STK3: variants seen among roughly 807,000 people sequenced by gnomAD.
STK3 encodes serine/threonine-protein kinase 3.
In STK3, 41 loss-of-function variants were observed where a neutral mutation model predicts 58.0. The ratio of observed to expected loss-of-function variants is 0.71; its 90% CI spans 0.55 to 0.92. The LOEUF (loss-of-function observed/expected upper bound fraction) is 0.92, where lower values mean the gene tolerates loss of function less well. STK3 is among the 40% of genes least tolerant of loss of function. STK3 has a pLI of 0.00. For synonymous variants in STK3, 170 were observed against 191.0 expected (o/e 0.89, Z 0.91); for missense variants, 479 against 602.7 (o/e 0.79, Z 2.15).
intron 4 of STK3, among the ~76,000 whole-genome samples, chr8:98,742,764 C>T (rs932977932): frequency 1.7e-4 from 26 of 151,710 alleles, no homozygotes; most frequent in Admixed American, 1.7e-3. Flanking sequence ...CAAGGGTATT[C>T]AATTAGGAAA....
intron 7 of STK3, among the ~76,000 whole-genome samples, chr8:98,587,698 T>C (rs1814779514): frequency 6.6e-6 from 1 of 152,092 alleles, no homozygotes; most frequent in African/African-American, 2.4e-5. Context: ...GACAGTGGGG[T>C]GTTAAAGTCT....
At chr8:98,539,896 G>A (rs1450627145) in intron 9 of STK3, among the ~76,000 whole-genome samples, 1 of 152,164 alleles carries the variant, frequency 6.6e-6, no homozygotes, top group Admixed American at 6.5e-5. Context: ...TGGGATTACA[G>A]GTGCATGCCA....
At chr8:98,739,025 G>T (rs1038887336) in intron 4 of STK3, among the ~76,000 whole-genome samples, 2 of 152,216 alleles carry the variant, frequency 1.3e-5, no homozygotes, top group Admixed American at 1.3e-4. Flanking sequence ...GCAAGGCAGC[G>T]GCGAGGCTGG....
intron 6 of STK3, chr8:98,598,175 T>G: frequency 1.0e-6 from 1 of 985,406 alleles, no homozygotes; most frequent in Non-Finnish European, 1.2e-6. Context: ...AACTGGTGGA[T>G]AACACAATGA....
At chr8:98,745,185 A>C (rs1292803170) in intron 4 of STK3, among the ~76,000 whole-genome samples, 1 of 152,202 alleles carries the variant, frequency 6.6e-6, no homozygotes, top group African/African-American at 2.4e-5. Flanking sequence ...TTACCAAAAA[A>C]GCTTGCTATA....
At chr8:98,552,865 A>G (rs1440480008) in intron 8 of STK3, among the ~76,000 whole-genome samples, 1 of 152,172 alleles carries the variant, frequency 6.6e-6, no homozygotes, top group African/African-American at 2.4e-5. Context: ...TAATCATCCA[A>G]CAAGCATTTA....
chr8:98,382,814 C>T (rs912553788), intron 1 of STK3, among the ~76,000 whole-genome samples: 1 of 152,224 alleles, frequency 6.6e-6, no homozygotes, highest in Non-Finnish European at 1.5e-5. Context: ...CTGATACGGC[C>T]GGTTCCTGGA....
chr8:98,935,929 T>A (rs1044818459), intron 1 of STK3, among the ~76,000 whole-genome samples: 10 of 152,184 alleles, frequency 6.6e-5, no homozygotes, highest in Middle Eastern at 3.4e-3. Flanking sequence ...TTATTTATTT[T>A]TTTTTGAGGT....
At chr8:98,764,037 T>C (rs1222497973) in intron 3 of STK3, among the ~76,000 whole-genome samples, 4 of 152,240 alleles carry the variant, frequency 2.6e-5, no homozygotes, top group East Asian at 1.9e-4. Flanking sequence ...AACTAATTTT[T>C]TGATCCTTCG....
chr8:98,532,476 G>A (rs375897104), intron 9 of STK3, among the ~76,000 whole-genome samples: 5 of 152,082 alleles, frequency 3.3e-5, no homozygotes, highest in African/African-American at 1.2e-4. Context: ...CAGTGTAACA[G>A]ACATAATAAT....
chr8:98,559,952 T>G (rs977301243), intron 8 of STK3, among the ~76,000 whole-genome samples: 3 of 152,050 alleles, frequency 2.0e-5, no homozygotes, highest in Non-Finnish European at 2.9e-5. Context: ...GAAGGGGCCT[T>G]TTGAGGGAAG....
intron 6 of STK3, among the ~76,000 whole-genome samples, chr8:98,660,392 A>C (rs1014567348): frequency 1.3e-5 from 2 of 152,022 alleles, no homozygotes; most frequent in Non-Finnish European, 2.9e-5. Context: ...GCACTGAAAA[A>C]CAGTTAAGAT....
intron 4 of STK3, among the ~76,000 whole-genome samples, chr8:98,731,514 T>A (rs1033315877): frequency 1.3e-5 from 2 of 152,004 alleles, no homozygotes; most frequent in African/African-American, 4.8e-5. Context: ...GGTCAGGAGA[T>A]CAAGACCATC....
intron 6 of STK3, among the ~76,000 whole-genome samples, chr8:98,701,629 A>AT (rs750609168): frequency 5.6e-5 from 8 of 142,324 alleles, no homozygotes; most frequent in South Asian, 2.2e-4. Context: ...CTCAAAAAAA[A>AT]ATATATATAT....
intron 1 of STK3, chr8:98,905,430 T>C: frequency 7.7e-7 from 1 of 1,300,418 alleles, no homozygotes; most frequent in South Asian, 1.2e-5. Context: ...GTTACCCACG[T>C]GTAACTTGGT....
Position 98,444,839 on chromosome 8 carries a change from T to C in STK3, n.186-7631A>G, listed in dbSNP as rs139210763. On this transcript the variant is annotated intron_variant and non_coding_transcript_variant, in intron 1 of 3. Coordinates refer to the STK3 transcript ENST00000517832. ...ACTGAGTTTGAGCCACCAGTAAATATTAAAAACATCACAAAAGATGGGCCT... is the reference window on the plus strand; with the variant it reads ...ACTGAGTTTGAGCCACCAGTAAATACTAAAAACATCACAAAAGATGGGCCT... Among the ~76,000 whole-genome samples, 399 of 152,292 alleles carry C rather than the reference T, an allele frequency of 2.6e-3. 3 individuals carry two copies. Among genetic ancestry groups the C allele is most frequent in the Non-Finnish European group, 2.8e-3 (193 of 68,032 alleles).
chr8:98,883,573 T>C (rs1837874509), downstream of STK3: 1 of 652,956 alleles, frequency 1.5e-6, no homozygotes, highest in African/African-American at 1.8e-5. Context: ...TTAAGGACAA[T>C]AAACATCTAA....
At chr8:98,652,167 G>C (rs1438362349) in intron 6 of STK3, among the ~76,000 whole-genome samples, 1 of 152,128 alleles carries the variant, frequency 6.6e-6, no homozygotes, top group Non-Finnish European at 1.5e-5. Context: ...AGACAGTGGG[G>C]GCCAATATTC....
intron 6 of STK3, among the ~76,000 whole-genome samples, chr8:98,659,164 T>A (rs887299844): frequency 2.0e-5 from 3 of 152,094 alleles, no homozygotes; most frequent in African/African-American, 7.2e-5. Flanking sequence ...CATTAAGCAA[T>A]GCATGACTGT....
Sources: allele counts gnomAD v4.1 joint callset (sites outside exome capture counted in the v4.1 genomes callset), GRCh38; gene constraint gnomAD v4.1.1; transcripts MANE v1.5; gene names NCBI Gene and HGNC (gene_info 2026-07-23, HGNC 2026-07-21).